DUSP16: variants seen among roughly 807,000 people sequenced by gnomAD.
DUSP16 encodes dual specificity phosphatase 16, also known as dual specificity protein phosphatase 16.
Under a neutral mutation model 58.3 loss-of-function variants are expected in DUSP16, and 21 were observed. The observed-to-expected ratio is 0.36, with a 90% CI of 0.26 to 0.52. The LOEUF is 0.52. Ranked by LOEUF, DUSP16 falls within the 20% of genes least tolerant of loss-of-function variation. The probability of loss-of-function intolerance (pLI) is 0.94; values close to 1 mark genes in which losing one functional copy is unlikely to be tolerated. For synonymous variants in DUSP16, 320 were observed against 323.8 expected (o/e 0.99, Z 0.12); for missense variants, 726 against 819.0 (o/e 0.89, Z 1.39).
chr12:12,560,998 A>G (rs1944893124), intron 1 of DUSP16: 1 of 149,288 alleles, frequency 6.7e-6, no homozygotes, highest in African/African-American at 2.6e-5. Context: ...AAAGAAACAT[A>G]CCTGGTTTAT....
intron 3 of DUSP16, among the ~76,000 whole-genome samples, chr12:12,509,864 A>G (rs2136222001): frequency 6.6e-6 from 1 of 152,290 alleles, no homozygotes; most frequent in Non-Finnish European, 1.5e-5. Context: ...GGGTGGGGGC[A>G]CAAAATCTGC....
chr12:12,528,792 A>G (rs1944341087), intron 1 of DUSP16, among the ~76,000 whole-genome samples: 1 of 152,214 alleles, frequency 6.6e-6, no homozygotes, highest in Admixed American at 6.5e-5. Context: ...ACAAAAACAA[A>G]ACATTTCCTA....
At chr12:12,480,012 G>A (rs781154712) in intron 6 of DUSP16, among the ~76,000 whole-genome samples, 5 of 152,216 alleles carry the variant, frequency 3.3e-5, no homozygotes, top group Non-Finnish European at 5.9e-5. Flanking sequence ...CTGAGGATGA[G>A]TCTGACACAT....
intron 1 of DUSP16, among the ~76,000 whole-genome samples, chr12:12,559,901 AAAT>A (rs1344796185): frequency 2.6e-5 from 4 of 152,132 alleles, no homozygotes; most frequent in Non-Finnish European, 5.9e-5. Flanking sequence ...ACTGTCCCAC[AAAT>A]AATTTTTAAA....
intron 4 of DUSP16, among the ~76,000 whole-genome samples, chr12:12,497,671 A>G (rs550557384): frequency 6.6e-6 from 1 of 152,036 alleles, no homozygotes; most frequent in South Asian, 2.1e-4. Context: ...TTCATTTAAA[A>G]AAAAAAAAAA....
At chr12:12,536,966 G>C (rs1266635249) in intron 1 of DUSP16, among the ~76,000 whole-genome samples, 2 of 152,008 alleles carry the variant, frequency 1.3e-5, no homozygotes, top group African/African-American at 4.8e-5. Flanking sequence ...TTGAACCCAG[G>C]AAGTGGAGGT....
At chr12:12,485,566 C>T (rs897140629) in intron 5 of DUSP16, 1 of 152,242 alleles carries the variant, frequency 6.6e-6, no homozygotes. Flanking sequence ...GGCTGGAGTT[C>T]AGTGGCACAA....
At chr12:12,483,802 C>T (rs915968012) in intron 5 of DUSP16, among the ~76,000 whole-genome samples, 14 of 151,982 alleles carry the variant, frequency 9.2e-5, no homozygotes, top group African/African-American at 2.7e-4. Context: ...AAACCTGAGT[C>T]CTTCCAACCA....
intron 1 of DUSP16, among the ~76,000 whole-genome samples, chr12:12,535,850 C>T (rs370122159): frequency 2.0e-5 from 3 of 152,246 alleles, no homozygotes; most frequent in African/African-American, 4.8e-5. Context: ...ATGCAGAAAA[C>T]GCATGAGCAA....
At chr12:12,542,165 T>C (rs1388520733) in intron 1 of DUSP16, among the ~76,000 whole-genome samples, 2 of 151,426 alleles carry the variant, frequency 1.3e-5, no homozygotes, top group Middle Eastern at 3.2e-3. Flanking sequence ...TCACCTCAGG[T>C]TGGGAGTTAG....
chr12:12,521,902 A>T (rs996519589), intron 1 of DUSP16, among the ~76,000 whole-genome samples: 4 of 152,216 alleles, frequency 2.6e-5, no homozygotes, highest in East Asian at 1.9e-4. Flanking sequence ...ACAAAAAAAA[A>T]AATATTTTCT....
chr12:12,507,123 C>T (rs1470090458), intron 3 of DUSP16, among the ~76,000 whole-genome samples: 1 of 152,214 alleles, frequency 6.6e-6, no homozygotes, highest in Non-Finnish European at 1.5e-5. Context: ...ACTCTTTTCT[C>T]TTCCCTCTCA....
rs890386982 is a variant in DUSP16, at chr12:12,474,205, A to T, written c.*2628T>A. 6.6e-6 allele frequency: 1 copy of T among 152,262 alleles called. No homozygotes were observed. Among genetic ancestry groups the T allele is most frequent in the African/African-American group, 2.4e-5 (1 of 41,472 alleles). 9.4% of individuals were successfully genotyped at this position (152,262 alleles called of 1,614,324 possible). A position where few individuals can be genotyped will look rare whatever the true frequency, so the allele number is the denominator to read the frequency against. On this transcript the variant is annotated 3_prime_UTR_variant, in exon 7 of 7. Coordinates refer to ENST00000298573, the MANE Select transcript of DUSP16 (RefSeq NM_030640.3). ...CCACCGAGTTTATGGCTGCAAAGAT[A>T]GGTCTTTTCTCGTATTTATGTATAA...
intron 1 of DUSP16, among the ~76,000 whole-genome samples, chr12:12,537,190 A>T (rs1411048842): frequency 1.3e-5 from 2 of 152,244 alleles, no homozygotes; most frequent in East Asian, 1.9e-4. Context: ...AACTATATAT[A>T]TTTTTAATAA....
At position 12,475,073 on chromosome 12, in the gene DUSP16, T is replaced by C. The variant is rs1010912612; in HGVS notation, c.*1760A>G. 6.6e-6 allele frequency: 1 copy of C among 152,184 alleles called. No individual in the cohort carries two copies. Among genetic ancestry groups the C allele is most frequent in the Admixed American group, 6.5e-5 (1 of 15,282 alleles). The allele number at this position is 152,184 out of a possible 1,614,324, so 9.4% of individuals were successfully genotyped here. ...CCAAGTCGGTCTGTGTTGAGTCATATCATTCTGTGCTGGTTTTAGAAGTCA... is the reference window on the plus strand; with the variant it reads ...CCAAGTCGGTCTGTGTTGAGTCATACCATTCTGTGCTGGTTTTAGAAGTCA... On this transcript the variant is annotated 3_prime_UTR_variant, in exon 7 of 7. Transcript: ENST00000298573.
chr12:12,491,339 CCATACCTGACT>C (rs1201368307), intron 4 of DUSP16: 1 of 151,926 alleles, frequency 6.6e-6, no homozygotes, highest in Non-Finnish European at 1.5e-5. Flanking sequence ...GCGTGTGCCA[CCATACCTGACT>C]CATCTTATTG....
intron 3 of DUSP16, among the ~76,000 whole-genome samples, chr12:12,509,430 C>T (rs1246484117): frequency 6.6e-6 from 1 of 152,086 alleles, no homozygotes; most frequent in Non-Finnish European, 1.5e-5. Flanking sequence ...CACATACTCA[C>T]CACTAAGACA....
chr12:12,475,441 AT>A lies in DUSP16; in HGVS notation c.*1391del, dbSNP rs1451726839. The A allele has an allele frequency of 3.3e-5, 5 of 152,200 alleles. No individual in the cohort carries two copies. The highest frequency in any genetic ancestry group is 1.2e-4 in the African/African-American group (5 of 41,500). 9.4% of individuals were successfully genotyped at this position (152,200 alleles called of 1,614,324 possible). On this transcript the variant is annotated 3_prime_UTR_variant, in exon 7 of 7. Coordinates refer to ENST00000298573, the MANE Select transcript of DUSP16 (RefSeq NM_030640.3). ...GCCCCTTTGCTCTCGCTCCATTTTGATTTGCTTTTTCCACTGAAGACACGCC... is the reference window on the plus strand; with the variant it reads ...GCCCCTTTGCTCTCGCTCCATTTTGATTGCTTTTTCCACTGAAGACACGCC...
chr12:12,504,711 AAG>A (rs66849794), intron 3 of DUSP16, among the ~76,000 whole-genome samples: 31,081 of 123,130 alleles, frequency 0.25, 3,223 homozygotes, highest in Non-Finnish European at 0.29. Context: ...AAAAAAAAAA[AAG>A]AAAGAAAGAA....
Sources: gnomAD v4.1 joint callset for allele counts (sites outside exome capture counted in the v4.1 genomes callset) on GRCh38, gnomAD v4.1.1 for gene constraint, MANE v1.5 for transcripts, NCBI Gene and HGNC (gene_info 2026-07-23, HGNC 2026-07-21) for gene names.